The following LMBR1 variants were observed in gnomAD, a reference collection of about 807,000 sequenced individuals.
LMBR1 encodes the protein limb region 1 protein homolog.
In LMBR1, 52 loss-of-function variants were observed where a neutral mutation model predicts 73.9. That is an observed-to-expected ratio of 0.70 (90% CI 0.56 to 0.89). LMBR1 has a LOEUF of 0.89. Ranked by LOEUF, LMBR1 falls within the 40% of genes least tolerant of loss-of-function variation. The pLI is 0.00. For synonymous variants in LMBR1, 215 were observed against 209.4 expected (o/e 1.03, Z -0.23); for missense variants, 539 against 579.8 (o/e 0.93, Z 0.72).
chr7:156,694,525 C>T (rs952039530), intron 15 of LMBR1, among the ~76,000 whole-genome samples: 10 of 152,160 alleles, frequency 6.6e-5, no homozygotes, highest in Non-Finnish European at 1.5e-5. Flanking sequence ...GGCAAGGATG[C>T]CCACTTTTGC....
At position 156,893,135 on chromosome 7, in the gene LMBR1, C is replaced by T; in HGVS notation, c.-142G>A. On this transcript the variant is annotated 5_prime_UTR_variant, in exon 1 of 17. Transcript: ENST00000353442. ...AGCCGTGTTGGAACAGGTACCGCGA[C>T]CACGACACCGGCCGTCGCCTCAGCA... 4 of 749,296 alleles carry T rather than the reference C, an allele frequency of 5.3e-6. No individual in the cohort carries two copies. The highest frequency in any genetic ancestry group is 7.5e-6 in the Non-Finnish European group (4 of 536,354). The allele number at this position is 749,296 out of a possible 1,614,324, so 46.4% of individuals were successfully genotyped here.
rs1258114486 is a variant in LMBR1, at chr7:156,679,399, T to C, written c.*4679A>G. The C allele has an allele frequency of 6.6e-6, 1 of 152,208 alleles. No individual in the cohort carries two copies. The highest frequency in any genetic ancestry group is 1.5e-5 in the Non-Finnish European group (1 of 68,046). 9.4% of individuals were successfully genotyped at this position (152,208 alleles called of 1,614,324 possible). ...GAGGAAGTGAGCAGGAGGAGGACGA[T>C]GCTCCACTTGTCACTTAGTTCTCTG... On this transcript the variant is annotated 3_prime_UTR_variant, in exon 17 of 17. Coordinates refer to ENST00000353442, the MANE Select transcript of LMBR1 (RefSeq NM_022458.4).
chr7:156,675,937 G>C (rs995018442), downstream of LMBR1: 1 of 1,457,872 alleles, frequency 6.9e-7, no homozygotes, highest in African/African-American at 1.4e-5. Context: ...TGGCATGTGG[G>C]GGGAGGTCGA....
chr7:156,834,656 A>G, intron 2 of LMBR1: 1 of 183,370 alleles, frequency 5.5e-6, no homozygotes. Context: ...ATAATATATA[A>G]TAAAATATAT....
chr7:156,890,307 G>T (rs1802671718), intron 1 of LMBR1, among the ~76,000 whole-genome samples: 1 of 151,866 alleles, frequency 6.6e-6, no homozygotes, highest in African/African-American at 2.4e-5. Context: ...GACATTAAAA[G>T]TACTCAAAAA....
Position 156,843,819 on chromosome 7 carries a change from G to C in LMBR1, c.67-6934C>G, listed in dbSNP as rs1267942049. Among the ~76,000 whole-genome samples the C allele has an allele frequency of 3.7e-5, 5 of 136,778 alleles. 1 individual carries two copies. Among genetic ancestry groups the C allele is most frequent in the Admixed American group, 1.5e-4 (2 of 12,936 alleles). 89.7% of individuals were successfully genotyped at this position (136,778 alleles called of 152,430 possible). A position where few individuals can be genotyped will look rare whatever the true frequency, so the allele number is the denominator to read the frequency against. ...CCACTGCACTCCAGCCTGGGCAACA[G>C]AGCAAGACCCTGTCTCAAAAAAAAA... On this transcript the variant is annotated intron_variant, in intron 1 of 16. Coordinates refer to ENST00000353442, the MANE Select transcript of LMBR1 (RefSeq NM_022458.4).
At chr7:156,795,558 T>C (rs548606869) in intron 5 of LMBR1, among the ~76,000 whole-genome samples, 2 of 152,318 alleles carry the variant, frequency 1.3e-5, no homozygotes, top group South Asian at 2.1e-4. Context: ...TCCTTTCTTC[T>C]TGTTGTTTAT....
chr7:156,841,974 C>G (rs1586169393), intron 1 of LMBR1, among the ~76,000 whole-genome samples: 1 of 140,314 alleles, frequency 7.1e-6, no homozygotes, highest in South Asian at 2.2e-4. Context: ...GTTATGTGCT[C>G]AAGTTGTGGG....
chr7:156,790,418 ACAGT>A (rs1828997692), intron 5 of LMBR1, among the ~76,000 whole-genome samples: 1 of 152,104 alleles, frequency 6.6e-6, no homozygotes, highest in African/African-American at 2.4e-5. Context: ...GCCCTAAGTC[ACAGT>A]CAGTAAGAAG....
At chr7:156,735,644 T>C (rs1817730027) in intron 9 of LMBR1, among the ~76,000 whole-genome samples, 1 of 151,348 alleles carries the variant, frequency 6.6e-6, no homozygotes, top group African/African-American at 2.4e-5. Context: ...TTTTTCATCC[T>C]AGACTGTTAC....
chr7:156,814,314 GA>G (rs1416362522), intron 4 of LMBR1, among the ~76,000 whole-genome samples: 4 of 152,228 alleles, frequency 2.6e-5, no homozygotes, highest in Non-Finnish European at 5.9e-5. Context: ...AGTTTAGTAA[GA>G]TTTTACTAAG....
chr7:156,723,220 C>T (rs549423495), intron 15 of LMBR1, among the ~76,000 whole-genome samples: 4 of 152,238 alleles, frequency 2.6e-5, no homozygotes, highest in South Asian at 2.1e-4. Context: ...AAAGCTTCTA[C>T]TTTCTTTGCA....
At chr7:156,881,827 C>T (rs1427591994) in intron 1 of LMBR1, among the ~76,000 whole-genome samples, 3 of 150,754 alleles carry the variant, frequency 2.0e-5, no homozygotes, top group African/African-American at 4.9e-5. Context: ...AAAAAGAAGA[C>T]GACAAGTGTT....
chr7:156,756,354 AT>A lies in LMBR1; in HGVS notation c.757+38del, dbSNP rs545488053. The A allele has an allele frequency of 9.0e-4, 885 of 982,826 alleles. 1 individual carries two copies. Among genetic ancestry groups the A allele is most frequent in the Non-Finnish European group, 1.3e-3 (805 of 622,878 alleles). 60.9% of individuals were successfully genotyped at this position (982,826 alleles called of 1,614,324 possible). ...TATCTATCTTTTTGAAATTAAAAAGATTTTTTTATCCCCGTCTAAATATGTA... is the reference window on the plus strand; with the variant it reads ...TATCTATCTTTTTGAAATTAAAAAGATTTTTTATCCCCGTCTAAATATGTA... On this transcript the variant is annotated intron_variant, in intron 9 of 16. Coordinates refer to ENST00000353442, the MANE Select transcript of LMBR1 (RefSeq NM_022458.4).
chr7:156,848,959 A>G (rs918154301), intron 1 of LMBR1, among the ~76,000 whole-genome samples: 1 of 151,664 alleles, frequency 6.6e-6, no homozygotes. Flanking sequence ...AAAACAAAAC[A>G]AAACAAAAAC....
chr7:156,737,838 C>G (rs572554253), intron 9 of LMBR1, among the ~76,000 whole-genome samples: 8 of 152,230 alleles, frequency 5.3e-5, no homozygotes, highest in Admixed American at 2.6e-4. Context: ...CTGTTTGATG[C>G]ATATGGGAGG....
At chr7:156,860,804 A>G (rs1020989613) in intron 1 of LMBR1, among the ~76,000 whole-genome samples, 2 of 152,246 alleles carry the variant, frequency 1.3e-5, no homozygotes, top group African/African-American at 4.8e-5. Flanking sequence ...GGGCAGTCAA[A>G]TCTTAAAGCT....
At chr7:156,739,995 C>T (rs1207788271) in intron 9 of LMBR1, among the ~76,000 whole-genome samples, 1 of 151,850 alleles carries the variant, frequency 6.6e-6, no homozygotes, top group Admixed American at 6.5e-5. Context: ...CAAAGAAATT[C>T]AAGATAATAC....
At chr7:156,725,308 T>C (rs1815501418) in intron 14 of LMBR1, 127 bp downstream of exon 14, 1 of 598,906 alleles carries the variant, frequency 1.7e-6, no homozygotes, top group Middle Eastern at 2.9e-4. Flanking sequence ...ATCTTCCAGT[T>C]TGTGTTTACG....
Sources: allele counts gnomAD v4.1 joint callset (sites outside exome capture counted in the v4.1 genomes callset), GRCh38; gene constraint gnomAD v4.1.1; transcripts MANE v1.5; gene names NCBI Gene and HGNC (gene_info 2026-07-23, HGNC 2026-07-21).